SLCO1A2: variants seen among roughly 807,000 people sequenced by gnomAD.
SLCO1A2 encodes the protein solute carrier organic anion transporter family member 1A2, also known as OATP-1.
In SLCO1A2, 67 loss-of-function variants were observed where a neutral mutation model predicts 69.0. The ratio of observed to expected loss-of-function variants is 0.97; its 90% confidence interval spans 0.80 to 1.19. SLCO1A2 has a LOEUF of 1.19. Ranked by LOEUF, SLCO1A2 falls within the 50% of genes most tolerant of loss-of-function variation. SLCO1A2 has a pLI of 0.00. For missense variants in SLCO1A2, 787 were observed against 793.7 expected (o/e 0.99, Z 0.10); for synonymous variants, 260 against 265.9 (o/e 0.98, Z 0.22).
At chr12:21,400,410 C>T (rs1941649716), upstream of SLCO1A2, among the ~76,000 whole-genome samples, 2 of 151,568 alleles carry the variant, frequency 1.3e-5, no homozygotes, top group South Asian at 4.2e-4. Flanking sequence ...GAAATAGGAA[C>T]ACTTTTACAC....
intron 2 of SLCO1A2, chr12:21,373,339 A>C: frequency 6.3e-7 from 1 of 1,595,924 alleles, no homozygotes; most frequent in Non-Finnish European, 8.6e-7. Context: ...CTTTGCAGAA[A>C]ATTTGAGAAG....
At position 21,370,129 on chromosome 12, in the gene SLCO1A2, ATT is replaced by A. The variant is rs910272270; in HGVS notation, c.-63+4268_-63+4269del. On this transcript the variant is annotated intron_variant, in intron 2 of 15. Transcript: ENST00000307378. The stretch of plus-strand genomic sequence containing the variant: ...AATATCCTGGATCAGACAGATAAGA[ATT>A]TGTCTTTCATTCTGCTCCTGAGTAG... 2.7e-4 allele frequency among the ~76,000 whole-genome samples: 41 copies of A among 152,152 alleles called. 1 individual carries two copies. The highest frequency in any genetic ancestry group is 3.2e-3 in the Middle Eastern group (1 of 316).
At chr12:21,382,736 A>G (rs1235717988) in intron 1 of SLCO1A2, among the ~76,000 whole-genome samples, 1 of 149,650 alleles carries the variant, frequency 6.7e-6, no homozygotes, top group Non-Finnish European at 1.5e-5. Flanking sequence ...CAGAGGTTGC[A>G]GTGAGCCAAG....
chr12:21,360,008 T>C (rs1027813879), intron 2 of SLCO1A2, among the ~76,000 whole-genome samples: 1 of 151,980 alleles, frequency 6.6e-6, no homozygotes, highest in Non-Finnish European at 1.5e-5. Context: ...AAAATCATTA[T>C]GCTATGTAAA....
rs371073652 is a variant in SLCO1A2, at chr12:21,302,787, A to T, written c.590-1518T>A. On this transcript the variant is annotated intron_variant, in intron 6 of 14. Transcript: ENST00000683939. ...GGACAGGCTGGTCTCGAACTCCTGA[A>T]CTCAGATGATCTGCCTGCCTCAGCC... 1.5e-3 allele frequency among the ~76,000 whole-genome samples: 222 copies of T among 149,734 alleles called. 7 individuals are homozygous for T. In the South Asian group the frequency reaches 0.046, roughly 31 times the overall value.
At chr12:21,347,695 A>AGGAAGGAAGGAAGGAAGGAC in intron 2 of SLCO1A2, among the ~76,000 whole-genome samples, 1 of 145,088 alleles carries the variant, frequency 6.9e-6, no homozygotes, top group South Asian at 2.1e-4. Flanking sequence ...GAAGGAAGGA[A>AGGAAGGAAGGAAGGAAGGAC]GGAAGAAGGA....
At chr12:21,297,898 T>G (rs1430853122) in intron 8 of SLCO1A2, among the ~76,000 whole-genome samples, 2 of 152,206 alleles carry the variant, frequency 1.3e-5, no homozygotes, top group Non-Finnish European at 2.9e-5. Context: ...ACTAACCTTT[T>G]GTTCTTCTAT....
intron 5 of SLCO1A2, among the ~76,000 whole-genome samples, chr12:21,305,643 T>C (rs1949270720): frequency 1.3e-5 from 2 of 152,208 alleles, no homozygotes; most frequent in Admixed American, 1.3e-4. Flanking sequence ...TTTTGCTATA[T>C]CCACAATGAA....
chr12:21,321,326 C>G (rs1005685663), intron 2 of SLCO1A2, among the ~76,000 whole-genome samples: 5 of 152,134 alleles, frequency 3.3e-5, no homozygotes, highest in Admixed American at 3.3e-4. Flanking sequence ...ATGCTTTTAA[C>G]TACCACACGT....
At chr12:21,367,273 A>G (rs1324761113) in intron 2 of SLCO1A2, among the ~76,000 whole-genome samples, 1 of 152,200 alleles carries the variant, frequency 6.6e-6, no homozygotes, top group East Asian at 1.9e-4. Flanking sequence ...CATTCTCAGG[A>G]AGCTACTGCA....
intron 4 of SLCO1A2, among the ~76,000 whole-genome samples, chr12:21,312,560 G>A (rs1306152714): frequency 3.9e-5 from 6 of 152,112 alleles, no homozygotes; most frequent in Non-Finnish European, 8.8e-5. Flanking sequence ...TGCCCTCCTC[G>A]CTGAGCTTAA....
At chr12:21,319,221 C>T in intron 2 of SLCO1A2, 1 of 739,366 alleles carries the variant, frequency 1.4e-6, no homozygotes, top group South Asian at 1.5e-5. Flanking sequence ...ATAACTTAAA[C>T]ATGTCTTCAG....
intron 12 of SLCO1A2, among the ~76,000 whole-genome samples, chr12:21,288,709 G>A (rs1282829498): frequency 7.2e-5 from 11 of 151,960 alleles, no homozygotes; most frequent in Middle Eastern, 3.4e-3. Context: ...TTGAGGGAAT[G>A]GATACCCCAT....
chr12:21,366,451 G>C (rs1163053688), intron 2 of SLCO1A2, among the ~76,000 whole-genome samples: 1 of 151,958 alleles, frequency 6.6e-6, no homozygotes, highest in Non-Finnish European at 1.5e-5. Flanking sequence ...TGTAAATGAC[G>C]AGTTGACGGG....
rs11568579 is a variant in SLCO1A2 at position 21,297,511 on chromosome 12, A to G, written c.968T>C (p.Leu323Pro). The change falls in exon 9 of 15, where the codon CTT (leucine) becomes CCT (proline). Residue 323 changes from leucine to proline, a missense_variant. Leu to Pro is a moderately conservative substitution (Grantham distance 98, BLOSUM62 -3). Transcript: ENST00000683939. ...SCNPIYMLFI[L>P]VSVIQFNAFV... ...TGCATTGAACTGTATCACACTTACA[A>G]GTATGAAAAGCATATAAATTGGATT... The G allele has an allele frequency of 1.4e-4, 230 of 1,604,318 alleles. No individual in the cohort carries two copies. The highest frequency in any genetic ancestry group is 2.1e-5 in the Non-Finnish European group (25 of 1,173,940).
intron 8 of SLCO1A2, among the ~76,000 whole-genome samples, chr12:21,299,588 T>C (rs1219624804): frequency 6.6e-6 from 1 of 150,858 alleles, no homozygotes; most frequent in Non-Finnish European, 1.5e-5. Context: ...TGATTTAACT[T>C]CCAGGAAGCT....
intron 14 of SLCO1A2, 86 bp downstream of exon 14, chr12:21,274,383 G>C: frequency 2.5e-6 from 2 of 793,112 alleles, no homozygotes; most frequent in Admixed American, 2.0e-5. Flanking sequence ...CTTTTCACTT[G>C]ACAAAGAAAA....
At chr12:21,280,934 A>G (rs1944683172) in intron 12 of SLCO1A2, among the ~76,000 whole-genome samples, 1 of 152,170 alleles carries the variant, frequency 6.6e-6, no homozygotes, top group Non-Finnish European at 1.5e-5. Context: ...ATCAATAACA[A>G]GAGGAAATTT....
At chr12:21,405,672 T>G (rs1941812489) in intron 1 of SLCO1A2, among the ~76,000 whole-genome samples, 1 of 152,190 alleles carries the variant, frequency 6.6e-6, no homozygotes, top group African/African-American at 2.4e-5. Context: ...GATTTCCTAT[T>G]TAATAAATGG....
Sources: allele counts gnomAD v4.1 joint callset (sites outside exome capture counted in the v4.1 genomes callset), GRCh38; gene constraint gnomAD v4.1.1; transcripts MANE v1.5; gene names NCBI Gene and HGNC (gene_info 2026-07-23, HGNC 2026-07-21).